Variants in BRWD3 observed in about 807,000 individuals in gnomAD.
The protein encoded by BRWD3 is bromodomain and WD repeat domain containing 3.
BRWD3 carries 10 observed loss-of-function variants against 149.7 expected under a neutral mutation model. That is an observed-to-expected ratio of 0.07 (90% CI 0.04 to 0.11). BRWD3 has a LOEUF of 0.11. Ranked by LOEUF, BRWD3 falls within the 10% of genes least tolerant of loss-of-function variation. BRWD3 has a pLI of 1.00. For missense variants in BRWD3, 940 were observed against 1,373.2 expected (o/e 0.68, Z 4.99); for synonymous variants, 504 against 456.7 (o/e 1.10, Z -1.32).
chrX:80,701,604 T>C (rs1269686403), intron 24 of BRWD3, among the ~76,000 whole-genome samples: 1 of 56,678 alleles, frequency 1.8e-5, no homozygotes, highest in Non-Finnish European at 3.7e-5. Context: ...TAGAAGAAAG[T>C]AACAAAAAAT....
intron 6 of BRWD3, among the ~76,000 whole-genome samples, chrX:80,761,316 G>C (rs1204243090): frequency 8.9e-6 from 1 of 111,834 alleles, no homozygotes; most frequent in Non-Finnish European, 1.9e-5. Flanking sequence ...CAAATGCATA[G>C]CTTCTGCATA....
At chrX:80,681,286 T>C (rs1413508494) in intron 40 of BRWD3, 55 bp downstream of exon 40, 4 of 1,134,623 alleles carry the variant, frequency 3.5e-6, no homozygotes, top group Non-Finnish European at 4.8e-6. Context: ...AAATGATTTA[T>C]CTGCTATCAT....
At chrX:80,732,389 A>G (rs1361899728) in intron 12 of BRWD3, among the ~76,000 whole-genome samples, 2 of 112,066 alleles carry the variant, frequency 1.8e-5, no homozygotes, top group East Asian at 5.6e-4. Flanking sequence ...ATATCTGCAT[A>G]TAATTTCTGA....
chrX:80,710,360 C>T lies in BRWD3; in HGVS notation c.2326-783G>A, dbSNP rs139447088. The T allele has an allele frequency of 2.8e-3, 928 of 334,134 alleles. 4 individuals carry two copies. The highest frequency in any genetic ancestry group is 3.5e-3 in the Non-Finnish European group (625 of 178,311). The allele number at this position is 334,134 out of a possible 1,213,427, so 27.5% of individuals were successfully genotyped here. ...GGGCCTCACATTTTCCAAACCTGGT[C>T]ATCTGCTGACTATTTTGACTACAGA... On this transcript the variant is annotated intron_variant, in intron 20 of 40. Transcript: ENST00000373275.
chrX:80,682,013 A>G lies in BRWD3; in HGVS notation c.4479T>C (p.Ser1493=). The G allele has an allele frequency of 8.3e-7, 1 of 1,206,057 alleles. No individual in the cohort carries two copies. The highest frequency in any genetic ancestry group is 1.1e-6 in the Non-Finnish European group (1 of 890,400). ...CATATTTACCAGGAGATGAGAAAGG[A>G]GAGCTAGTCCTGGCATGAGATACTG... ...NTSVSHARTS[S]PFSSPVSDAA... The change falls in exon 39 of 41, where the codon TCT becomes TCC. Residue 1493 remains serine (S), a synonymous_variant. Coordinates refer to ENST00000373275, the MANE Select transcript of BRWD3 (RefSeq NM_153252.5).
chrX:80,777,146 C>A (rs994064368), intron 6 of BRWD3, among the ~76,000 whole-genome samples: 1 of 109,217 alleles, frequency 9.2e-6, no homozygotes, highest in Non-Finnish European at 1.9e-5. Flanking sequence ...TCTTAAGACC[C>A]CCCCCCACGA....
intron 35 of BRWD3, 79 bp downstream of exon 35, chrX:80,686,784 T>C: frequency 9.5e-7 from 1 of 1,051,929 alleles, no homozygotes; most frequent in Non-Finnish European, 1.3e-6. Flanking sequence ...GGTGAGAAAA[T>C]TGCTCTTATC....
chrX:80,744,737 A>G (rs999189592), intron 7 of BRWD3, among the ~76,000 whole-genome samples: 1 of 111,989 alleles, frequency 8.9e-6, no homozygotes, highest in African/African-American at 3.2e-5. Context: ...AGAAGAGTGA[A>G]CAGTAAAAAG....
chrX:80,685,297 T>C (rs774805395), intron 36 of BRWD3, among the ~76,000 whole-genome samples, 165 bp downstream of exon 36: 1 of 111,666 alleles, frequency 9.0e-6, no homozygotes, highest in African/African-American at 3.2e-5. Context: ...CACATGTTGA[T>C]TCAGAAAGAG....
At position 80,676,566 on chromosome X, in the gene BRWD3, G is replaced by C; in HGVS notation, c.*43C>G. The C allele has an allele frequency of 8.4e-7, 1 of 1,193,987 alleles. No individual in the cohort carries two copies. Among genetic ancestry groups the C allele is most frequent in the South Asian group, 1.8e-5 (1 of 55,786 alleles). The stretch of plus-strand genomic sequence containing the variant: ...ATTTCCTGGTAAATTCCCTGCAGTA[G>C]AAGGCCATTGAATTTTTTAAGTTAT... On this transcript the variant is annotated 3_prime_UTR_variant, in exon 41 of 41. Transcript: ENST00000373275.
At chrX:80,720,479 A>T (rs2073132734) in intron 17 of BRWD3, among the ~76,000 whole-genome samples, 1 of 112,103 alleles carries the variant, frequency 8.9e-6, no homozygotes, top group Admixed American at 9.5e-5. Flanking sequence ...AAGGATATAA[A>T]AATATTTTAT....
chrX:80,800,209 G>T (rs1019317607), intron 4 of BRWD3, among the ~76,000 whole-genome samples: 2 of 105,833 alleles, frequency 1.9e-5, no homozygotes, highest in South Asian at 8.5e-4. Context: ...ATACAATTCT[G>T]CATGGTAACT....
chrX:80,796,940 G>A (rs1438464665), intron 4 of BRWD3, among the ~76,000 whole-genome samples: 4 of 111,332 alleles, frequency 3.6e-5, no homozygotes, highest in Admixed American at 9.6e-5. Flanking sequence ...TTGGGAGGCC[G>A]AGGAGGGAGG....
chrX:80,711,928 C>T (rs766502418), intron 20 of BRWD3, among the ~76,000 whole-genome samples: 1 of 111,629 alleles, frequency 9.0e-6, no homozygotes, highest in Non-Finnish European at 1.9e-5. Flanking sequence ...CATATGTTCT[C>T]GGGACTACTT....
In BRWD3 at chrX:80,676,055, G is replaced by T. The variant is rs2072362503; in HGVS notation, c.*554C>A. On this transcript the variant is annotated 3_prime_UTR_variant, in exon 41 of 41. Transcript: ENST00000373275. ...AGTACAAGTCATGAAAGTTTGGCCT[G>T]GGAAGAGTAAAATAATCCAGATCGC... The T allele has an allele frequency of 8.8e-6, 1 of 113,534 alleles. No individual in the cohort carries two copies. Among genetic ancestry groups the T allele is most frequent in the Non-Finnish European group, 1.8e-5 (1 of 54,506 alleles). 9.4% of individuals were successfully genotyped at this position (113,534 alleles called of 1,213,427 possible).
intron 16 of BRWD3, 63 bp from the exon 17 acceptor site, chrX:80,722,850 C>A: frequency 1.3e-5 from 13 of 988,862 alleles, no homozygotes; most frequent in Non-Finnish European, 1.7e-5. Context: ...TACTTGTTTT[C>A]ATTCCTTGAG....
At chrX:80,756,427 G>A (rs748728422) in intron 6 of BRWD3, among the ~76,000 whole-genome samples, 6 of 102,542 alleles carry the variant, frequency 5.9e-5, no homozygotes, top group Non-Finnish European at 1.2e-4. Flanking sequence ...GCTTGAACCC[G>A]GGAGGTGGAG....
Position 80,725,071 on chromosome X carries a change from T to G in BRWD3, c.1387-4A>C. 2.5e-6 allele frequency: 3 copies of G among 1,206,987 alleles called. No homozygotes were observed. The highest frequency in any genetic ancestry group is 3.4e-6 in the Non-Finnish European group (3 of 892,133). On this transcript the variant is annotated splice_polypyrimidine_tract_variant and splice_region_variant and intron_variant, in intron 14 of 40. Coordinates refer to ENST00000373275, the MANE Select transcript of BRWD3 (RefSeq NM_153252.5). ...CGAATACTTCATCATCATGTCCCTA[T>G]AATAAAAATCAGTATTAACAATGAA...
chrX:80,716,073 C>A, intron 20 of BRWD3, 84 bp downstream of exon 20: 1 of 786,098 alleles, frequency 1.3e-6, no homozygotes, highest in Admixed American at 2.3e-5. Context: ...AGTCTCTTAA[C>A]ACACAACTGC....
Sources: gnomAD v4.1 joint callset for allele counts (sites outside exome capture counted in the v4.1 genomes callset) on GRCh38, gnomAD v4.1.1 for gene constraint, MANE v1.5 for transcripts, NCBI Gene and HGNC (gene_info 2026-07-23, HGNC 2026-07-21) for gene names.